The following OTUD7A variants were observed in gnomAD, a reference collection of about 807,000 sequenced individuals.
The protein encoded by OTUD7A is OTU deubiquitinase 7A.
A neutral mutation model predicts 65.7 loss-of-function variants in OTUD7A; 12 were observed. The ratio of observed to expected loss-of-function variants is 0.18; its 90% CI spans 0.12 to 0.30. The LOEUF (loss-of-function observed/expected upper bound fraction) is 0.30, where lower values mean the gene tolerates loss of function less well. Among genes scored for constraint, OTUD7A ranks in the 10% least tolerant of loss-of-function variants. OTUD7A has a pLI of 1.00. For synonymous variants in OTUD7A, 641 were observed against 586.3 expected, an observed-to-expected ratio of 1.09 and a Z score of -1.35; for missense variants, 1,148 against 1,304.8, an observed-to-expected ratio of 0.88 and a Z score of 1.85.
At chr15:31,767,781 A>G (rs931910107) in intron 1 of OTUD7A, 4 of 721,112 alleles carry the variant, frequency 5.5e-6, no homozygotes, top group Admixed American at 2.3e-5. Flanking sequence ...GTTCTACGAG[A>G]TAAGTTTTGT....
intron 1 of OTUD7A, among the ~76,000 whole-genome samples, chr15:31,683,786 G>A (rs1892774751): frequency 6.6e-6 from 1 of 152,044 alleles, no homozygotes; most frequent in Admixed American, 6.5e-5. Context: ...TATTCCTTCA[G>A]AAGATTTGCT....
intron 3 of OTUD7A, among the ~76,000 whole-genome samples, chr15:31,625,514 G>C (rs1016445643): frequency 1.8e-4 from 27 of 151,866 alleles, no homozygotes; most frequent in African/African-American, 6.5e-4. Context: ...GATGGAGCAA[G>C]CAGGACTCTC....
At position 31,844,060 on chromosome 15, in the gene OTUD7A, C is replaced by T. The variant is rs149239449; in HGVS notation, c.-100+26447G>A. Among the ~76,000 whole-genome samples the T allele has an allele frequency of 3.3e-5, 5 of 152,312 alleles. No individual in the cohort carries two copies. The East Asian group carries it at 7.7e-4, about 24-fold the overall frequency. ...CAAAGTTCTAAGGACATACTCACTTCGACGGAATATTTGAAAATCAGGGGG... is the reference window on the plus strand; with the variant it reads ...CAAAGTTCTAAGGACATACTCACTTTGACGGAATATTTGAAAATCAGGGGG... On this transcript the variant is annotated intron_variant, in intron 1 of 12. Transcript: ENST00000307050.
In OTUD7A at chr15:31,484,763, G is replaced by A. The variant is rs779830072; in HGVS notation, c.1372-39C>T. The A allele has an allele frequency of 6.3e-7, 1 of 1,580,536 alleles. No individual in the cohort carries two copies. The highest frequency in any genetic ancestry group is 8.5e-7 in the Non-Finnish European group (1 of 1,170,032). On this transcript the variant is annotated intron_variant, in intron 12 of 12. Coordinates refer to ENST00000307050, the MANE Select transcript of OTUD7A (RefSeq NM_001382637.1). The surrounding 1 kb of genome is among the most constrained non-coding windows in gnomAD (Gnocchi z 4.5). ...GAGGGCCGGATCGAAGGTGGTTAGA[G>A]AAGAGCTGTCCACGCGCCAGCGAGG...
At chr15:31,680,552 T>C (rs1254001759) in intron 1 of OTUD7A, among the ~76,000 whole-genome samples, 1 of 152,160 alleles carries the variant, frequency 6.6e-6, no homozygotes, top group Non-Finnish European at 1.5e-5. Flanking sequence ...GAAGGAAAAC[T>C]GGCTATGGTC....
At chr15:31,606,185 C>T (rs1890233615) in intron 3 of OTUD7A, among the ~76,000 whole-genome samples, 1 of 152,234 alleles carries the variant, frequency 6.6e-6, no homozygotes, top group Non-Finnish European at 1.5e-5. Flanking sequence ...CTATATTTCA[C>T]ATAAACAACT....
chr15:31,805,836 A>C (rs995021355), intron 1 of OTUD7A, among the ~76,000 whole-genome samples: 3 of 152,200 alleles, frequency 2.0e-5, no homozygotes, highest in African/African-American at 7.2e-5. Flanking sequence ...ATCTACATTT[A>C]ATCAATTAAC....
intron 1 of OTUD7A, among the ~76,000 whole-genome samples, chr15:31,770,919 G>C (rs1245158929): frequency 1.3e-5 from 2 of 152,016 alleles, no homozygotes; most frequent in Non-Finnish European, 2.9e-5. Flanking sequence ...CCTGACAAAG[G>C]GCATCTTTGA....
At position 31,559,025 on chromosome 15, in the gene OTUD7A, C is replaced by A; in HGVS notation, c.494G>T (p.Ser165Ile). The change falls in exon 5 of 13, where the codon AGC becomes ATC. Residue 165 changes from serine (S) to isoleucine (I), a missense_variant. By Grantham distance (142) the Ser-to-Ile change is moderately radical (BLOSUM62 -2). Transcript: ENST00000307050. ...DLSVYSEDFR[S>I]FIERDLIEQA... ...CTCGATCAAGTCCCGCTCGATGAAG[C>A]TCCTGAAATCCTCGCTGTACACGCT... 1 of 1,614,224 alleles carries A rather than the reference C, an allele frequency of 6.2e-7. No individual in the cohort carries two copies. Among genetic ancestry groups the A allele is most frequent in the Non-Finnish European group, 8.5e-7 (1 of 1,180,036 alleles).
At chr15:31,590,336 A>G (rs1889682661) in intron 3 of OTUD7A, among the ~76,000 whole-genome samples, 1 of 152,180 alleles carries the variant, frequency 6.6e-6, no homozygotes, top group African/African-American at 2.4e-5. Context: ...TACCAATCAC[A>G]TGTCTCATAA....
chr15:31,693,181 A>C (rs1158469691), intron 1 of OTUD7A, among the ~76,000 whole-genome samples: 1 of 152,214 alleles, frequency 6.6e-6, no homozygotes, highest in Non-Finnish European at 1.5e-5. Context: ...GTCCAGGAAA[A>C]ATTTTCAGGA....
chr15:31,597,074 G>A (rs1889926886), intron 3 of OTUD7A, among the ~76,000 whole-genome samples: 1 of 151,126 alleles, frequency 6.6e-6, no homozygotes, highest in Admixed American at 6.6e-5. Flanking sequence ...ACAGGTGCAT[G>A]CTATCATACC....
At chr15:31,616,795 C>T (rs909777011) in intron 3 of OTUD7A, among the ~76,000 whole-genome samples, 6 of 152,098 alleles carry the variant, frequency 3.9e-5, no homozygotes, top group Non-Finnish European at 8.8e-5. Flanking sequence ...CTGCCCACCT[C>T]GGCCTCCCAA....
chr15:31,793,083 A>G (rs1042823846), intron 1 of OTUD7A, among the ~76,000 whole-genome samples: 1 of 152,152 alleles, frequency 6.6e-6, no homozygotes, highest in African/African-American at 2.4e-5. Context: ...CACTGCACAC[A>G]CAGCACTCAG....
chr15:31,658,578 C>G (rs1339226884), intron 1 of OTUD7A, among the ~76,000 whole-genome samples: 1 of 152,132 alleles, frequency 6.6e-6, no homozygotes, highest in East Asian at 1.9e-4. Context: ...CCCCAGTAAG[C>G]AGAAAGGGAC....
At chr15:31,555,844 C>CTTTTTCTTTTTTTTTTTTCTTTTTTT (rs61501777) in intron 5 of OTUD7A, among the ~76,000 whole-genome samples, 1 of 90,446 alleles carries the variant, frequency 1.1e-5, no homozygotes, top group South Asian at 2.8e-4. Context: ...TACCTCTGTT[C>CTTTTTCTTTTTTTTTTTTCTTTTTTT]TTTTTCTTTT....
chr15:31,588,779 C>T (rs917433288), intron 3 of OTUD7A, among the ~76,000 whole-genome samples: 3 of 152,166 alleles, frequency 2.0e-5, no homozygotes, highest in Non-Finnish European at 4.4e-5. Flanking sequence ...CGGCAGCAGC[C>T]CACTCAACCA....
chr15:31,813,994 G>A (rs1595787637), intron 1 of OTUD7A, among the ~76,000 whole-genome samples: 1 of 152,076 alleles, frequency 6.6e-6, no homozygotes, highest in African/African-American at 2.4e-5. Flanking sequence ...TAAGAAATTG[G>A]CAAGAAAAAA....
At chr15:31,803,316 A>G (rs1896183820) in intron 1 of OTUD7A, among the ~76,000 whole-genome samples, 1 of 152,224 alleles carries the variant, frequency 6.6e-6, no homozygotes. Flanking sequence ...ACCTTAAAAA[A>G]AAGTTATTTG....
Sources: allele counts gnomAD v4.1 joint callset (sites outside exome capture counted in the v4.1 genomes callset), GRCh38; gene constraint gnomAD v4.1.1; non-coding constraint Gnocchi (gnomAD v3.1); transcripts MANE v1.5; gene names NCBI Gene and HGNC (gene_info 2026-07-23, HGNC 2026-07-21).